Variants in SPAG16 observed in about 807,000 individuals in gnomAD.
The protein encoded by SPAG16 is sperm-associated antigen 16 protein.
A neutral mutation model predicts 80.4 loss-of-function variants in SPAG16; 86 were observed. The observed-to-expected ratio is 1.07, with a 90% CI of 0.90 to 1.28. The LOEUF is 1.28. Among genes scored for constraint, SPAG16 ranks in the 50% most tolerant of loss-of-function variants. The pLI is 0.00. For missense variants in SPAG16, 870 were observed against 765.3 expected, an observed-to-expected ratio of 1.14 and a Z score of -1.61; for synonymous variants, 294 against 265.9, an observed-to-expected ratio of 1.11 and a Z score of -1.03.
intron 8 of SPAG16, among the ~76,000 whole-genome samples, chr2:213,371,244 A>C (rs1481790813): frequency 6.6e-6 from 1 of 151,970 alleles, no homozygotes; most frequent in Non-Finnish European, 1.5e-5. Context: ...CCGTCTACTA[A>C]AAATACAAAA....
chr2:213,581,448 T>A (rs2060295372), intron 10 of SPAG16, among the ~76,000 whole-genome samples: 2 of 152,036 alleles, frequency 1.3e-5, no homozygotes, highest in Non-Finnish European at 2.9e-5. Context: ...TGAACTGGGT[T>A]CAACCAGTCC....
At chr2:214,342,399 T>C (rs1479201961) in intron 15 of SPAG16, among the ~76,000 whole-genome samples, 1 of 152,150 alleles carries the variant, frequency 6.6e-6, no homozygotes, top group African/African-American at 2.4e-5. Flanking sequence ...GTGCCTGAGT[T>C]CTGCCTCCTG....
chr2:213,911,739 G>A (rs921895096), intron 11 of SPAG16, among the ~76,000 whole-genome samples: 2 of 151,668 alleles, frequency 1.3e-5, no homozygotes, highest in African/African-American at 4.8e-5. Context: ...GGAATTGAGA[G>A]GCCTAGGAGA....
chr2:213,980,051 T>C (rs1265822289), intron 12 of SPAG16, among the ~76,000 whole-genome samples: 1 of 151,622 alleles, frequency 6.6e-6, no homozygotes, highest in Admixed American at 6.6e-5. Context: ...CCAGACTTAC[T>C]GAAATCGCAT....
chr2:214,239,437 A>T (rs1220055821), intron 15 of SPAG16: 1 of 152,190 alleles, frequency 6.6e-6, no homozygotes, highest in African/African-American at 2.4e-5. Flanking sequence ...TAAACAATAA[A>T]TCCTCATTTT....
At chr2:214,122,251 T>TA (rs2054256307) in intron 14 of SPAG16, among the ~76,000 whole-genome samples, 1 of 151,682 alleles carries the variant, frequency 6.6e-6, no homozygotes, top group African/African-American at 2.4e-5. Context: ...TAAATCCTAC[T>TA]AAAAAAATAG....
chr2:214,043,719 C>T lies in SPAG16; in HGVS notation c.1527+29642C>T, dbSNP rs185847909. Among the ~76,000 whole-genome samples, 209 of 151,920 alleles carry T rather than the reference C, an allele frequency of 1.4e-3. 3 individuals carry two copies. Among genetic ancestry groups the T allele is most frequent in the Non-Finnish European group, 1.0e-4 (7 of 67,946 alleles). ...GTCACCTGAAGAACAGTGTAGTGGC[C>T]GAATTGCTTAGATAATTGATATTAT... On this transcript the variant is annotated intron_variant, in intron 13 of 15. Coordinates refer to ENST00000331683, the MANE Select transcript of SPAG16 (RefSeq NM_024532.5).
At chr2:213,290,634 A>C (rs542768945) in intron 1 of SPAG16, among the ~76,000 whole-genome samples, 1 of 152,310 alleles carries the variant, frequency 6.6e-6, no homozygotes, top group South Asian at 2.1e-4. Context: ...TTTAGGCCAG[A>C]ATGCTAGCTT....
At chr2:214,219,738 A>G (rs1358488697) in intron 15 of SPAG16, among the ~76,000 whole-genome samples, 4 of 152,126 alleles carry the variant, frequency 2.6e-5, no homozygotes, top group African/African-American at 9.6e-5. Flanking sequence ...TGTCCCTTCT[A>G]GTTTCTCTGT....
chr2:213,876,304 CAAAA>C (rs71063792), intron 11 of SPAG16, among the ~76,000 whole-genome samples: 4 of 80,174 alleles, frequency 5.0e-5, no homozygotes, highest in Admixed American at 2.5e-4. Flanking sequence ...AACTTTGAAC[CAAAA>C]AAAAAAAAAA....
chr2:213,376,567 T>C (rs2066892345), intron 9 of SPAG16, among the ~76,000 whole-genome samples: 1 of 152,060 alleles, frequency 6.6e-6, no homozygotes. Flanking sequence ...TTCTTGTTGT[T>C]ATTATTATAA....
chr2:214,136,624 T>C (rs1479453371), intron 14 of SPAG16, among the ~76,000 whole-genome samples: 2 of 152,182 alleles, frequency 1.3e-5, no homozygotes, highest in Non-Finnish European at 2.9e-5. Context: ...ATTACAAACT[T>C]ATCCACATCT....
At chr2:213,571,367 G>C (rs1278957772) in intron 10 of SPAG16, among the ~76,000 whole-genome samples, 1 of 12,198 alleles carries the variant, frequency 8.2e-5, no homozygotes, top group Non-Finnish European at 1.3e-4. Context: ...ATTTTGCAGC[G>C]GCTGGTACCG....
chr2:213,873,170 A>G (rs201629954), intron 11 of SPAG16, among the ~76,000 whole-genome samples: 6 of 28,674 alleles, frequency 2.1e-4, no homozygotes, highest in Admixed American at 9.0e-4. Context: ...AAAATTCATC[A>G]GTGAAGCCAT....
intron 5 of SPAG16, among the ~76,000 whole-genome samples, chr2:213,335,879 G>C (rs2064332839): frequency 6.6e-6 from 1 of 152,026 alleles, no homozygotes; most frequent in African/African-American, 2.4e-5. Flanking sequence ...GGGAGGTGGG[G>C]AGAAAGAAAC....
At chr2:214,319,757 G>A (rs1194677841) in intron 15 of SPAG16, among the ~76,000 whole-genome samples, 2 of 152,134 alleles carry the variant, frequency 1.3e-5, no homozygotes, top group Non-Finnish European at 2.9e-5. Context: ...TACAATGCCT[G>A]GAACACAATA....
chr2:213,546,828 G>T (rs1244731364), intron 10 of SPAG16, among the ~76,000 whole-genome samples: 1 of 152,154 alleles, frequency 6.6e-6, no homozygotes, highest in African/African-American at 2.4e-5. Flanking sequence ...CACCGTACAA[G>T]AAGTATATCT....
chr2:213,701,155 G>A (rs540498308), intron 10 of SPAG16, among the ~76,000 whole-genome samples: 21 of 152,200 alleles, frequency 1.4e-4, no homozygotes, highest in South Asian at 1.0e-3. Flanking sequence ...CAGGAGAATC[G>A]CTTGAACCCA....
chr2:214,133,512 C>T (rs1055625454), intron 14 of SPAG16, among the ~76,000 whole-genome samples: 1 of 151,952 alleles, frequency 6.6e-6, no homozygotes, highest in East Asian at 1.9e-4. Flanking sequence ...CAAAAATTAT[C>T]CAGGCGTGAT....
Sources: gnomAD v4.1 joint callset for allele counts (sites outside exome capture counted in the v4.1 genomes callset) on GRCh38, gnomAD v4.1.1 for gene constraint, MANE v1.5 for transcripts, NCBI Gene and HGNC (gene_info 2026-07-23, HGNC 2026-07-21) for gene names.